VAX2: variants seen among roughly 807,000 people sequenced by gnomAD.
VAX2 encodes ventral anterior homeobox 2.
In VAX2, 8 loss-of-function variants were observed where a neutral mutation model predicts 12.5. That is an observed-to-expected ratio of 0.64 (90% CI 0.37 to 1.15). The LOEUF is 1.15. VAX2 is among the 50% of genes most tolerant of loss of function. The pLI, the probability that VAX2 is intolerant of heterozygous loss-of-function variation, is 0.01. For missense variants in VAX2, 476 were observed against 412.9 expected, an observed-to-expected ratio of 1.15 and a Z score of -1.32; for synonymous variants, 183 against 187.6, an observed-to-expected ratio of 0.98 and a Z score of 0.20.
chr2:70,932,636 C>A, intron 2 of VAX2, 131 bp from the exon 3 acceptor site: 1 of 178,164 alleles, frequency 5.6e-6, no homozygotes, highest in Non-Finnish European at 1.2e-5. Flanking sequence ...TCCACCCTCA[C>A]ACCCCACCCC....
At chr2:70,923,651 GA>G (rs1206663481) in intron 2 of VAX2, among the ~76,000 whole-genome samples, 2 of 152,174 alleles carry the variant, frequency 1.3e-5, no homozygotes, top group Non-Finnish European at 2.9e-5. Context: ...CACAACTCAG[GA>G]AACACCTCCC....
Position 70,904,115 on chromosome 2 carries a change from G to C in VAX2, c.247+3247G>C, listed in dbSNP as rs1292841555. Among the ~76,000 whole-genome samples, 1 of 152,216 alleles carries C rather than the reference G, an allele frequency of 6.6e-6. No individual in the cohort carries two copies. The highest frequency in any genetic ancestry group is 1.5e-5 in the Non-Finnish European group (1 of 68,034). ...CCGCACATCGCACCGCGGACGCAGC[G>C]ATCCTCCCATTTGTACCCTAAGGCC... On this transcript the variant is annotated intron_variant, in intron 1 of 2. Transcript: ENST00000234392. This position sits in a 1 kb window ranked among gnomAD's most constrained non-coding sequence, Gnocchi z 4.2.
In VAX2 at chr2:70,932,920, G is replaced by T. The variant is rs782001053; in HGVS notation, c.589G>T (p.Ala197Ser). The T allele has an allele frequency of 6.2e-6, 10 of 1,613,076 alleles. No individual in the cohort carries two copies. The highest frequency in any genetic ancestry group is 8.5e-7 in the Non-Finnish European group (1 of 1,179,924). ...GGGCCGGCTGCTCTCTGTGCCCAGG[G>T]CCCCTAGCCTCCTGGCGCTGACCCC... ...EQGRLLSVPRAPSLLALTPSL... is the reference protein window; with the variant it reads ...EQGRLLSVPRSPSLLALTPSL... Residue 197 changes from alanine (A) to serine (S), a missense_variant, in exon 3 of 3, where the codon GCC (alanine) becomes TCC (serine). By Grantham distance (99) the Ala-to-Ser change is moderately conservative. Transcript: ENST00000234392.
At chr2:70,914,126 CTG>C (rs1679256210) in intron 1 of VAX2, among the ~76,000 whole-genome samples, 2 of 152,274 alleles carry the variant, frequency 1.3e-5, no homozygotes, top group Admixed American at 6.5e-5. Flanking sequence ...GCACCTGAGC[CTG>C]TGTTTCTCTA....
At chr2:70,905,863 C>T (rs1285862721) in intron 1 of VAX2, among the ~76,000 whole-genome samples, 4 of 152,196 alleles carry the variant, frequency 2.6e-5, no homozygotes, top group African/African-American at 9.7e-5. Flanking sequence ...TCCTCTTTTG[C>T]GCAGCACCGG....
chr2:70,901,307 C>T (rs1266017611), intron 1 of VAX2, among the ~76,000 whole-genome samples: 1 of 152,256 alleles, frequency 6.6e-6, no homozygotes, highest in African/African-American at 2.4e-5. Flanking sequence ...GCAGGGCGGC[C>T]GGGGTGCTTC....
rs970526624 is a variant in VAX2, at chr2:70,900,805, G to T, written c.184G>T (p.Ala62Ser). The change falls in exon 1 of 3, where the codon GCC (alanine) becomes TCC (serine). Residue 62 changes from alanine to serine, a missense_variant. By Grantham distance (99) the Ala-to-Ser change is moderately conservative (BLOSUM62 1). Coordinates refer to ENST00000234392, the MANE Select transcript of VAX2 (RefSeq NM_012476.3). Reference protein sequence around the residue: ...SSPAGSRESGADSDGQPGPGE... With the variant: ...SSPAGSRESGSDSDGQPGPGE... The stretch of plus-strand genomic sequence containing the variant: ...TCCCGCAGGCTCCAGGGAGAGTGGA[G>T]CCGACAGCGACGGGCAGCCCGGGCC... 2.0e-6 allele frequency: 3 copies of T among 1,492,914 alleles called. No homozygotes were observed. Among genetic ancestry groups the T allele is most frequent in the Admixed American group, 2.2e-5 (1 of 45,998 alleles). The allele number at this position is 1,492,914 out of a possible 1,614,324, so 92.5% of individuals were successfully genotyped here.
At chr2:70,926,248 C>T (rs1426841200) in intron 2 of VAX2, among the ~76,000 whole-genome samples, 1 of 152,186 alleles carries the variant, frequency 6.6e-6, no homozygotes, top group Non-Finnish European at 1.5e-5. Flanking sequence ...GTGCAGCTGA[C>T]CTCTGTCCCG....
At chr2:70,902,611 T>A (rs1285461692) in intron 1 of VAX2, among the ~76,000 whole-genome samples, 1 of 152,178 alleles carries the variant, frequency 6.6e-6, no homozygotes, top group East Asian at 1.9e-4. Context: ...CCCAGGACAA[T>A]TGTGAGTTCT....
intron 2 of VAX2, among the ~76,000 whole-genome samples, chr2:70,931,041 C>T (rs1161783878): frequency 6.6e-6 from 1 of 152,124 alleles, no homozygotes; most frequent in Non-Finnish European, 1.5e-5. Flanking sequence ...GTCTCTCCTT[C>T]TAGTGCCTAC....
chr2:70,901,022 G>A (rs1451493571), intron 1 of VAX2, among the ~76,000 whole-genome samples, 154 bp downstream of exon 1: 1 of 152,256 alleles, frequency 6.6e-6, no homozygotes. Flanking sequence ...AGCGTCTATT[G>A]TGTGCTGGAC....
At chr2:70,923,794 A>T (rs1309286103) in intron 2 of VAX2, among the ~76,000 whole-genome samples, 1 of 134,142 alleles carries the variant, frequency 7.5e-6, no homozygotes, top group East Asian at 2.6e-4. Flanking sequence ...CAGCACTTCC[A>T]CGTGTTCGCC....
intron 1 of VAX2, among the ~76,000 whole-genome samples, chr2:70,916,094 G>A (rs547963974): frequency 6.6e-6 from 1 of 152,102 alleles, no homozygotes; most frequent in Non-Finnish European, 1.5e-5. Flanking sequence ...CAAACCATAA[G>A]TGGAATACAG....
chr2:70,931,674 C>A (rs11690533), intron 2 of VAX2, among the ~76,000 whole-genome samples: 1 of 152,220 alleles, frequency 6.6e-6, no homozygotes, highest in East Asian at 1.9e-4. Flanking sequence ...CAGAATTCCC[C>A]GCCAAATGGC....
Position 70,933,348 on chromosome 2 carries a change from G to A in VAX2, c.*144G>A, listed in dbSNP as rs1679751496. On this transcript the variant is annotated 3_prime_UTR_variant, in exon 3 of 3. Coordinates refer to ENST00000234392, the MANE Select transcript of VAX2 (RefSeq NM_012476.3). The stretch of plus-strand genomic sequence containing the variant: ...CCTGCCCCCCAGCTCAGAGACTCGT[G>A]ACCAAATGGCCTTGGTCCCGCAGCT... 6.3e-6 allele frequency: 5 copies of A among 795,756 alleles called. No individual in the cohort carries two copies. The East Asian group carries it at 1.3e-4, about 21-fold the overall frequency. The allele number at this position is 795,756 out of a possible 1,614,324, so 49.3% of individuals were successfully genotyped here.
intron 1 of VAX2, among the ~76,000 whole-genome samples, chr2:70,905,082 T>C (rs1490929217): frequency 6.6e-6 from 1 of 151,982 alleles, no homozygotes; most frequent in African/African-American, 2.4e-5. Flanking sequence ...CGCTTTCTGC[T>C]TGGATTACCA....
At position 70,933,265 on chromosome 2, in the gene VAX2, G is replaced by A. The variant is rs1424149594; in HGVS notation, c.*61G>A. The A allele has an allele frequency of 5.5e-6, 8 of 1,445,360 alleles. No homozygotes were observed. Among genetic ancestry groups the A allele is most frequent in the Non-Finnish European group, 7.3e-6 (8 of 1,094,584 alleles). 89.5% of individuals were successfully genotyped at this position (1,445,360 alleles called of 1,614,324 possible). Reference sequence around the variant, plus strand: ...CACCTTCCCAGTCTCCTGTGCCCCAGCGGACAGCACTGAGCAGGCCCCGGA... The same window carrying A: ...CACCTTCCCAGTCTCCTGTGCCCCAACGGACAGCACTGAGCAGGCCCCGGA... On this transcript the variant is annotated 3_prime_UTR_variant, in exon 3 of 3. Coordinates refer to ENST00000234392, the MANE Select transcript of VAX2 (RefSeq NM_012476.3).
intron 1 of VAX2, among the ~76,000 whole-genome samples, chr2:70,918,828 A>AGAGTTGAAATT (rs1553412404): frequency 7.2e-6 from 1 of 138,688 alleles, no homozygotes; most frequent in African/African-American, 2.8e-5. Context: ...CCCTGGAGGC[A>AGAGTTGAAATT]GAGCTGAAAT....
intron 1 of VAX2, among the ~76,000 whole-genome samples, chr2:70,912,762 T>C (rs1679217907): frequency 6.6e-6 from 1 of 152,094 alleles, no homozygotes. Flanking sequence ...GGGGGATGTC[T>C]ATTGGGAGAG....
Sources: allele counts gnomAD v4.1 joint callset (sites outside exome capture counted in the v4.1 genomes callset), GRCh38; gene constraint gnomAD v4.1.1; non-coding constraint Gnocchi (gnomAD v3.1); transcripts MANE v1.5; gene names NCBI Gene and HGNC (gene_info 2026-07-23, HGNC 2026-07-21).